Variants in P2RY1 observed in about 807,000 individuals in gnomAD.
P2RY1 encodes purinergic receptor P2Y1.
A neutral mutation model predicts 22.8 loss-of-function variants in P2RY1; 14 were observed. That is an observed-to-expected ratio of 0.61 (90% confidence interval 0.41 to 0.96). The LOEUF is 0.96. Ranked by LOEUF, P2RY1 falls within the 40% of genes least tolerant of loss-of-function variation. P2RY1 has a pLI of 0.00. For synonymous variants in P2RY1, 200 were observed against 195.1 expected (o/e 1.03, Z -0.21); for missense variants, 395 against 470.3 (o/e 0.84, Z 1.48).
Position 152,835,692 on chromosome 3 carries a change from G to C in P2RY1, c.-91G>C. 1 of 1,304,582 alleles carries C rather than the reference G, an allele frequency of 7.7e-7. No homozygotes were observed. Among genetic ancestry groups the C allele is most frequent in the Non-Finnish European group, 1.0e-6 (1 of 970,066 alleles). 80.8% of individuals were successfully genotyped at this position (1,304,582 alleles called of 1,614,324 possible). A position where few individuals can be genotyped will look rare whatever the true frequency, so the allele number is the denominator to read the frequency against. On this transcript the variant is annotated 5_prime_UTR_variant, in exon 1 of 1. Transcript: ENST00000305097. ...TTCGCCTGCTCCCTTCCGCTCGCTG[G>C]CTTTTCCGATGCTTGCTGCGCCCCT...
Position 152,837,476 on chromosome 3 carries a change from G to A in P2RY1, c.*572G>A, listed in dbSNP as rs1331915935. On this transcript the variant is annotated 3_prime_UTR_variant, in exon 1 of 1. Transcript: ENST00000305097. The stretch of plus-strand genomic sequence containing the variant: ...TGATAGTTGACTGAGTTTCTTTAGG[G>A]CATTGAATAGACAAGTAAAGCTAAT... 1 of 167,842 alleles carries A rather than the reference G, an allele frequency of 6.0e-6. No homozygotes were observed. Among genetic ancestry groups the A allele is most frequent in the Non-Finnish European group, 1.5e-5 (1 of 68,342 alleles). The allele number at this position is 167,842 out of a possible 1,614,324, so 10.4% of individuals were successfully genotyped here.
chr3:152,835,626 C>G lies in P2RY1; in HGVS notation c.-157C>G, dbSNP rs931640901. On this transcript the variant is annotated 5_prime_UTR_variant, in exon 1 of 1. Coordinates refer to ENST00000305097, the MANE Select transcript of P2RY1 (RefSeq NM_002563.5). ...GCGGCGAACGCGGGGCCAGAGCTGG[C>G]GTGGGCGAGCCCCTGCGCGCCCCCT... The G allele has an allele frequency of 4.3e-6, 3 of 701,048 alleles. No homozygotes were observed. Among genetic ancestry groups the G allele is most frequent in the African/African-American group, 1.8e-5 (1 of 54,630 alleles). 43.4% of individuals were successfully genotyped at this position (701,048 alleles called of 1,614,324 possible).
At position 152,835,739 on chromosome 3, in the gene P2RY1, G is replaced by C; in HGVS notation, c.-44G>C. On this transcript the variant is annotated 5_prime_UTR_variant, in exon 1 of 1. Coordinates refer to ENST00000305097, the MANE Select transcript of P2RY1 (RefSeq NM_002563.5). ...CCCTGGCCGCCGCTGCCCTCTCGCCGCCTCCTACCCCTCGGAGCCGCCGCC... is the reference window on the plus strand; with the variant it reads ...CCCTGGCCGCCGCTGCCCTCTCGCCCCCTCCTACCCCTCGGAGCCGCCGCC... The C allele has an allele frequency of 6.6e-7, 1 of 1,515,938 alleles. No homozygotes were observed. The highest frequency in any genetic ancestry group is 8.8e-7 in the Non-Finnish European group (1 of 1,139,052). 93.9% of individuals were successfully genotyped at this position (1,515,938 alleles called of 1,614,324 possible). A position where few individuals can be genotyped will look rare whatever the true frequency, so the allele number is the denominator to read the frequency against.
chr3:152,836,811 TAGA>T lies in P2RY1; in HGVS notation c.1035_1037del (p.Arg345del), dbSNP rs1559896968. On this transcript the variant is annotated inframe_deletion, in exon 1 of 1. Coordinates refer to ENST00000305097, the MANE Select transcript of P2RY1 (RefSeq NM_002563.5). The surrounding 1 kb of genome is among the most constrained non-coding windows in gnomAD (Gnocchi z 5.6). ...TCTCCCGAGCCACAAGGAAAGCTTC[TAGA>T]AGAAGTGAGGCAAATTTGCAATCCA... 19 of 1,613,966 alleles carry T rather than the reference TAGA, an allele frequency of 1.2e-5. No homozygotes were observed. The highest frequency in any genetic ancestry group is 2.7e-5 in the African/African-American group (2 of 74,928).
Position 152,839,101 on chromosome 3 carries a change from C to T in P2RY1, c.*2197C>T, listed in dbSNP as rs924383248. On this transcript the variant is annotated 3_prime_UTR_variant, in exon 1 of 1. Coordinates refer to ENST00000305097, the MANE Select transcript of P2RY1 (RefSeq NM_002563.5). ...AGAGTATGTGTTAAGTACATTGTTT[C>T]AGCGTCCAGAGAATTTTGTGAGTGT... 4 of 152,166 alleles carry T rather than the reference C, an allele frequency of 2.6e-5. No homozygotes were observed. The highest frequency in any genetic ancestry group is 4.4e-5 in the Non-Finnish European group (3 of 68,022). 9.4% of individuals were successfully genotyped at this position (152,166 alleles called of 1,614,324 possible). A position where few individuals can be genotyped will look rare whatever the true frequency, so the allele number is the denominator to read the frequency against.
rs1716199079 is a variant in P2RY1, at chr3:152,837,551, G to T, written c.*647G>T. 6.0e-6 allele frequency: 1 copy of T among 167,720 alleles called. No individual in the cohort carries two copies. Among genetic ancestry groups the T allele is most frequent in the Non-Finnish European group, 1.5e-5 (1 of 68,264 alleles). The allele number at this position is 167,720 out of a possible 1,614,324, so 10.4% of individuals were successfully genotyped here. On this transcript the variant is annotated 3_prime_UTR_variant, in exon 1 of 1. Coordinates refer to ENST00000305097, the MANE Select transcript of P2RY1 (RefSeq NM_002563.5). Reference sequence around the variant, plus strand: ...TGTTTTCCAGTTATTTCTGGAAAAGGTCTCATTATATATTGGGTGCTAAAT... The same window carrying T: ...TGTTTTCCAGTTATTTCTGGAAAAGTTCTCATTATATATTGGGTGCTAAAT...
rs371292098 is a variant in P2RY1, at chr3:152,836,328, G to C, written c.546G>C (p.Ala182=). 2 of 1,614,026 alleles carry C rather than the reference G, an allele frequency of 1.2e-6. No individual in the cohort carries two copies. Among genetic ancestry groups the C allele is most frequent in the Non-Finnish European group, 1.7e-6 (2 of 1,180,016 alleles). The change falls in exon 1 of 1, where the codon GCG becomes GCC. Residue 182 remains alanine (A), a synonymous_variant. Coordinates refer to ENST00000305097, the MANE Select transcript of P2RY1 (RefSeq NM_002563.5). This position sits in a 1 kb window ranked among gnomAD's most constrained non-coding sequence, Gnocchi z 5.6. ...TGGTGTGGCTCATTGTGGTGGTGGC[G>C]ATCTCCCCCATCCTCTTCTACTCAG... ...SVLVWLIVVV[A]ISPILFYSGT... is the part of the protein sequence containing the mutation.
At position 152,839,526 on chromosome 3, in the gene P2RY1, T is replaced by C. The variant is rs1250702969; in HGVS notation, c.*2622T>C. On this transcript the variant is annotated 3_prime_UTR_variant, in exon 1 of 1. Coordinates refer to ENST00000305097, the MANE Select transcript of P2RY1 (RefSeq NM_002563.5). ...TTTTAATGGCAAATTCAAGGTGTTT[T>C]ATTGCTTACAAATCAGCATCTTTGA... The C allele has an allele frequency of 6.6e-6, 1 of 152,224 alleles. No individual in the cohort carries two copies. The highest frequency in any genetic ancestry group is 1.5e-5 in the Non-Finnish European group (1 of 68,036). The allele number at this position is 152,224 out of a possible 1,614,324, so 9.4% of individuals were successfully genotyped here.
rs762673615 is a variant in P2RY1 at position 152,836,092 on chromosome 3, C to G, written c.310C>G (p.Leu104Val). 1 of 1,614,166 alleles carries G rather than the reference C, an allele frequency of 6.2e-7. No individual in the cohort carries two copies. The highest frequency in any genetic ancestry group is 8.5e-7 in the Non-Finnish European group (1 of 1,180,012). Residue 104 changes from leucine to valine, a missense_variant, in exon 1 of 1, where the codon CTG becomes GTG. Around this residue, in one of 3 missense-constraint regions of P2RY1, gnomAD observed 291 missense variants for 361.6 expected, o/e 0.80. Coordinates refer to ENST00000305097, the MANE Select transcript of P2RY1 (RefSeq NM_002563.5). The surrounding 1 kb of genome is among the most constrained non-coding windows in gnomAD (Gnocchi z 5.6). ...ALADFLYVLT[L>V]PALIFYYFNK... ...GGCCGACTTCTTGTACGTGCTGACT[C>G]TGCCAGCCCTGATCTTCTACTACTT...
rs954593888 is a variant in P2RY1, at chr3:152,837,004, A to G, written c.*100A>G. The G allele has an allele frequency of 9.3e-6, 9 of 964,372 alleles. No individual in the cohort carries two copies. The Admixed American group carries it at 2.1e-4, about 23-fold the overall frequency. The allele number at this position is 964,372 out of a possible 1,614,324, so 59.7% of individuals were successfully genotyped here. A position where few individuals can be genotyped will look rare whatever the true frequency, so the allele number is the denominator to read the frequency against. Reference sequence around the variant, plus strand: ...CTTTAACTTTCTAGTTTAGAAAAAAATCAAACCAAGAAAATAGTGAGTTAA... The same window carrying G: ...CTTTAACTTTCTAGTTTAGAAAAAAGTCAAACCAAGAAAATAGTGAGTTAA... On this transcript the variant is annotated 3_prime_UTR_variant, in exon 1 of 1. Transcript: ENST00000305097.
At position 152,835,398 on chromosome 3, in the gene P2RY1, C is replaced by G. The variant is rs916401480; in HGVS notation, c.-385C>G. 1.3e-5 allele frequency: 3 copies of G among 236,154 alleles called. No homozygotes were observed. Among genetic ancestry groups the G allele is most frequent in the Non-Finnish European group, 2.4e-5 (3 of 123,606 alleles). The allele number at this position is 236,154 out of a possible 1,614,324, so 14.6% of individuals were successfully genotyped here. A position where few individuals can be genotyped will look rare whatever the true frequency, so the allele number is the denominator to read the frequency against. ...CTCCCCAAGCTAGAGCCCTGCAGAGCGAGTTTCCCTTGACCTCGCTGCGCC... is the reference window on the plus strand; with the variant it reads ...CTCCCCAAGCTAGAGCCCTGCAGAGGGAGTTTCCCTTGACCTCGCTGCGCC... On this transcript the variant is annotated 5_prime_UTR_variant, in exon 1 of 1. Coordinates refer to ENST00000305097, the MANE Select transcript of P2RY1 (RefSeq NM_002563.5).
In P2RY1 at chr3:152,835,519, T is replaced by C. The variant is rs1023528936; in HGVS notation, c.-264T>C. On this transcript the variant is annotated 5_prime_UTR_variant, in exon 1 of 1. Transcript: ENST00000305097. ...TCCCTGCGCGCCCTGTTGTGTAAGC[T>C]CGGCGTTGCCAGCGGACGGAGAAGT... 1 of 487,880 alleles carries C rather than the reference T, an allele frequency of 2.0e-6. No homozygotes were observed. Among genetic ancestry groups the C allele is most frequent in the Non-Finnish European group, 3.6e-6 (1 of 278,248 alleles). 30.2% of individuals were successfully genotyped at this position (487,880 alleles called of 1,614,324 possible). A position where few individuals can be genotyped will look rare whatever the true frequency, so the allele number is the denominator to read the frequency against.
chr3:152,836,126 C>T lies in P2RY1; in HGVS notation c.344C>T (p.Thr115Ile), dbSNP rs1252917102. 2.5e-6 allele frequency: 4 copies of T among 1,614,200 alleles called. No homozygotes were observed. The highest frequency in any genetic ancestry group is 3.4e-6 in the Non-Finnish European group (4 of 1,180,034). ...CTGATCTTCTACTACTTCAATAAAA[C>T]AGACTGGATCTTCGGGGATGCCATG... ...PALIFYYFNK[T>I]DWIFGDAMCK... The change falls in exon 1 of 1, where the codon ACA becomes ATA. Residue 115 changes from threonine to isoleucine, a missense_variant. By Grantham distance (89) the Thr-to-Ile change is moderately conservative (BLOSUM62 -1). Around this residue, in one of 3 missense-constraint regions of P2RY1, gnomAD observed 291 missense variants for 361.6 expected, o/e 0.80. Coordinates refer to ENST00000305097, the MANE Select transcript of P2RY1 (RefSeq NM_002563.5). This position sits in a 1 kb window ranked among gnomAD's most constrained non-coding sequence, Gnocchi z 5.6.
In P2RY1 at chr3:152,838,223, A is replaced by T. The variant is rs1716219541; in HGVS notation, c.*1319A>T. ...TGAAAAGTAAAGTACTACTCAAACT[A>T]CTAATAGAAGACTATTGGTCAGTGT... On this transcript the variant is annotated 3_prime_UTR_variant, in exon 1 of 1. Transcript: ENST00000305097. 6.6e-6 allele frequency: 1 copy of T among 152,360 alleles called. No individual in the cohort carries two copies. The highest frequency in any genetic ancestry group is 2.1e-4 in the South Asian group (1 of 4,834). The allele number at this position is 152,360 out of a possible 1,614,324, so 9.4% of individuals were successfully genotyped here.
Position 152,835,646 on chromosome 3 carries a change from C to A in P2RY1, c.-137C>A. The A allele has an allele frequency of 3.5e-6, 3 of 849,366 alleles. No individual in the cohort carries two copies. The highest frequency in any genetic ancestry group is 5.3e-6 in the Non-Finnish European group (3 of 569,000). 52.6% of individuals were successfully genotyped at this position (849,366 alleles called of 1,614,324 possible). ...GCTGGCGTGGGCGAGCCCCTGCGCG[C>A]CCCCTCCCGCGGGGATCCAGTTCGC... On this transcript the variant is annotated 5_prime_UTR_variant, in exon 1 of 1. Coordinates refer to ENST00000305097, the MANE Select transcript of P2RY1 (RefSeq NM_002563.5).
Position 152,837,198 on chromosome 3 carries a change from G to A in P2RY1, c.*294G>A, listed in dbSNP as rs1716186995. The A allele has an allele frequency of 9.3e-6, 3 of 321,860 alleles. No homozygotes were observed. Among genetic ancestry groups the A allele is most frequent in the Non-Finnish European group, 1.8e-5 (3 of 167,536 alleles). 19.9% of individuals were successfully genotyped at this position (321,860 alleles called of 1,614,324 possible). ...ATGTGCAGGCTTTTCTGTTTAAAGT[G>A]TGTGTGCACATGAGTACTGGGGCTG... On this transcript the variant is annotated 3_prime_UTR_variant, in exon 1 of 1. Coordinates refer to ENST00000305097, the MANE Select transcript of P2RY1 (RefSeq NM_002563.5).
chr3:152,836,613 T>C lies in P2RY1; in HGVS notation c.831T>C (p.His277=). The C allele has an allele frequency of 6.2e-7, 1 of 1,614,110 alleles. No homozygotes were observed. Among genetic ancestry groups the C allele is most frequent in the Non-Finnish European group, 8.5e-7 (1 of 1,180,040 alleles). The part of the protein sequence containing the change: ...TVFAVSYIPF[H]VMKTMNLRAR... ...TTGCTGTGTCTTACATCCCTTTCCA[T>C]GTGATGAAAACGATGAACTTGAGGG... The change falls in exon 1 of 1, where the codon CAT becomes CAC. Residue 277 remains histidine, a synonymous_variant. Transcript: ENST00000305097. This position sits in a 1 kb window ranked among gnomAD's most constrained non-coding sequence, Gnocchi z 5.6.
Position 152,835,658 on chromosome 3 carries a change from G to T in P2RY1, c.-125G>T. ...GAGCCCCTGCGCGCCCCCTCCCGCGGGGATCCAGTTCGCCTGCTCCCTTCC... is the reference window on the plus strand; with the variant it reads ...GAGCCCCTGCGCGCCCCCTCCCGCGTGGATCCAGTTCGCCTGCTCCCTTCC... On this transcript the variant is annotated 5_prime_UTR_variant, in exon 1 of 1. Coordinates refer to ENST00000305097, the MANE Select transcript of P2RY1 (RefSeq NM_002563.5). The T allele has an allele frequency of 1.1e-6, 1 of 950,636 alleles. No individual in the cohort carries two copies. The highest frequency in any genetic ancestry group is 1.5e-6 in the Non-Finnish European group (1 of 659,386). The allele number at this position is 950,636 out of a possible 1,614,324, so 58.9% of individuals were successfully genotyped here. A position where few individuals can be genotyped will look rare whatever the true frequency, so the allele number is the denominator to read the frequency against.
chr3:152,835,670 G>A lies in P2RY1; in HGVS notation c.-113G>A, dbSNP rs1255074702. ...GCCCCCTCCCGCGGGGATCCAGTTC[G>A]CCTGCTCCCTTCCGCTCGCTGGCTT... On this transcript the variant is annotated 5_prime_UTR_variant, in exon 1 of 1. Coordinates refer to ENST00000305097, the MANE Select transcript of P2RY1 (RefSeq NM_002563.5). The A allele has an allele frequency of 1.1e-5, 12 of 1,074,286 alleles. No homozygotes were observed. The highest frequency in any genetic ancestry group is 2.9e-5 in the Admixed American group (1 of 34,800). 66.5% of individuals were successfully genotyped at this position (1,074,286 alleles called of 1,614,324 possible).
Sources: allele counts gnomAD v4.1 joint callset, GRCh38; gene constraint gnomAD v4.1.1; regional missense constraint gnomAD v4.1.1; non-coding constraint Gnocchi (gnomAD v3.1); transcripts MANE v1.5; gene names NCBI Gene and HGNC (gene_info 2026-07-23, HGNC 2026-07-21).